Variants in ECPAS observed in about 807,000 individuals in gnomAD.
ECPAS encodes the protein proteasome adapter and scaffold protein ECM29.
ECPAS carries 70 observed loss-of-function variants against 255.1 expected under a neutral mutation model. The ratio of observed to expected loss-of-function variants is 0.27; its 90% CI spans 0.23 to 0.33. ECPAS has a LOEUF of 0.33. Ranked by LOEUF, ECPAS falls within the 10% of genes least tolerant of loss-of-function variation. The pLI, the probability that ECPAS is intolerant of heterozygous loss-of-function variation, is 1.00. For synonymous variants in ECPAS, 784 were observed against 775.0 expected (o/e 1.01, Z -0.19); for missense variants, 1,817 against 2,206.4 (o/e 0.82, Z 3.54).
In ECPAS at chr9:111,425,764, A is replaced by G. The variant is rs751443146; in HGVS notation, c.1115T>C (p.Phe372Ser). The G allele has an allele frequency of 1.1e-5, 17 of 1,584,660 alleles. 1 individual carries two copies. The South Asian group carries it at 1.9e-4, about 18-fold the overall frequency. ...NSKLRTLSLQFVHHICITCPE... is the reference protein window; with the variant it reads ...NSKLRTLSLQSVHHICITCPE... ...TTACGTTATACAAATATGATGCACAAATTGCAGGGATAATGTTCTTAACTT... is the reference window on the plus strand; with the variant it reads ...TTACGTTATACAAATATGATGCACAGATTGCAGGGATAATGTTCTTAACTT... The change falls in exon 11 of 50, where the codon TTT becomes TCT. Residue 372 changes from phenylalanine (F) to serine (S), a missense_variant. Coordinates refer to ENST00000684092, the MANE Select transcript of ECPAS (RefSeq NM_001364929.1).
At chr9:111,398,052 G>A (rs976032945) in intron 24 of ECPAS, among the ~76,000 whole-genome samples, 4 of 152,158 alleles carry the variant, frequency 2.6e-5, no homozygotes, top group African/African-American at 9.7e-5. Flanking sequence ...AAATTTAGGA[G>A]GAAAAGGAGA....
intron 48 of ECPAS, 66 bp downstream of exon 48, chr9:111,366,173 T>C (rs1298990546): frequency 1.0e-5 from 11 of 1,052,856 alleles, no homozygotes; most frequent in Non-Finnish European, 1.6e-5. Flanking sequence ...GTAGGAAATA[T>C]TTGAAGCTCA....
rs117028152 is a variant in ECPAS, at chr9:111,443,120, G to A, written c.271-696C>T. On this transcript the variant is annotated intron_variant, in intron 4 of 49. Coordinates refer to ENST00000684092, the MANE Select transcript of ECPAS (RefSeq NM_001364929.1). ...ATATTCCAAAATCCAAAACATTTTT[G>A]ATCCCAAGCAATTCAGATAAGGGAT... 1.7e-3 allele frequency among the ~76,000 whole-genome samples: 264 copies of A among 152,268 alleles called. 2 individuals are homozygous for A. The highest frequency in any genetic ancestry group is 0.016 in the East Asian group (82 of 5,186).
intron 5 of ECPAS, among the ~76,000 whole-genome samples, chr9:111,442,057 T>C (rs1336461685): frequency 6.6e-6 from 1 of 152,228 alleles, no homozygotes; most frequent in Non-Finnish European, 1.5e-5. Flanking sequence ...TCAAGATAAC[T>C]AGCCAAAAAA....
chr9:111,446,962 C>T lies in ECPAS; in HGVS notation c.154-2468G>A, dbSNP rs78723715. ...GTCCTGGATCTGTGATACCGCTAGG[C>T]GACAAGAGAAAACAATCAGGAGGAA... is the stretch of plus-strand genomic sequence containing the variant. On this transcript the variant is annotated intron_variant, in intron 3 of 49. Coordinates refer to ENST00000684092, the MANE Select transcript of ECPAS (RefSeq NM_001364929.1). 1.3e-3 allele frequency among the ~76,000 whole-genome samples: 204 copies of T among 152,162 alleles called. No homozygotes were observed. In the East Asian group the frequency reaches 0.019, roughly 14 times the overall value.
intron 17 of ECPAS, among the ~76,000 whole-genome samples, chr9:111,417,074 TAC>T (rs1039775966): frequency 6.6e-6 from 1 of 151,912 alleles, no homozygotes; most frequent in Admixed American, 6.6e-5. Context: ...ACTCTGTCTC[TAC>T]AAAAAATAAA....
intron 1 of ECPAS, among the ~76,000 whole-genome samples, chr9:111,479,076 G>C (rs937975968): frequency 1.2e-4 from 19 of 152,160 alleles, no homozygotes; most frequent in African/African-American, 4.6e-4. Context: ...CTACTTTCCA[G>C]CTGCAGGACC....
intron 2 of ECPAS, among the ~76,000 whole-genome samples, chr9:111,455,718 C>T (rs775922201): frequency 6.6e-6 from 1 of 152,172 alleles, no homozygotes; most frequent in Non-Finnish European, 1.5e-5. Flanking sequence ...CAAATAAAAA[C>T]CTGAGGCACT....
chr9:111,374,577 T>C (rs1029342362), intron 38 of ECPAS, among the ~76,000 whole-genome samples: 2 of 152,204 alleles, frequency 1.3e-5, no homozygotes, highest in South Asian at 2.1e-4. Context: ...TATGGCAAAA[T>C]TCTGGACAAT....
intron 1 of ECPAS, chr9:111,483,651 G>T: frequency 5.0e-6 from 1 of 200,624 alleles, no homozygotes; most frequent in Non-Finnish European, 8.7e-6. Context: ...TTCACTCGGC[G>T]CGGACCGCGC....
chr9:111,479,605 A>AT (rs2098301109), intron 1 of ECPAS, among the ~76,000 whole-genome samples: 2 of 152,154 alleles, frequency 1.3e-5, no homozygotes, highest in South Asian at 4.2e-4. Flanking sequence ...GAAAAAGACA[A>AT]CAAAAAAAAT....
chr9:111,455,335 T>C (rs2098265539), intron 2 of ECPAS, among the ~76,000 whole-genome samples: 1 of 152,086 alleles, frequency 6.6e-6, no homozygotes, highest in Non-Finnish European at 1.5e-5. Flanking sequence ...TTTCAAAAAA[T>C]TAGCCGGGCG....
intron 45 of ECPAS, among the ~76,000 whole-genome samples, chr9:111,369,419 C>G (rs1211770006): frequency 6.6e-6 from 1 of 152,114 alleles, no homozygotes. Context: ...CATATGTAGT[C>G]TTTTGAGCAT....
chr9:111,448,178 TTTC>T (rs2098255780), intron 3 of ECPAS, among the ~76,000 whole-genome samples: 1 of 152,158 alleles, frequency 6.6e-6, no homozygotes, highest in Non-Finnish European at 1.5e-5. Flanking sequence ...AATAAAATTT[TTTC>T]TTAAAACTTT....
chr9:111,462,901 C>A (rs2098274895), intron 2 of ECPAS, among the ~76,000 whole-genome samples: 1 of 152,112 alleles, frequency 6.6e-6, no homozygotes, highest in African/African-American at 2.4e-5. Context: ...CGCCACCACA[C>A]CTGGCTAATT....
intron 27 of ECPAS, among the ~76,000 whole-genome samples, chr9:111,393,224 A>G (rs376222721): frequency 1.3e-5 from 2 of 152,334 alleles, no homozygotes; most frequent in African/African-American, 2.4e-5. Context: ...CAAGATCTCA[A>G]TACACTCAGA....
intron 45 of ECPAS, among the ~76,000 whole-genome samples, chr9:111,369,443 T>G (rs1228409505): frequency 6.6e-6 from 1 of 152,160 alleles, no homozygotes; most frequent in African/African-American, 2.4e-5. Flanking sequence ...ATGAAAAGAC[T>G]TGCATTAGAA....
In ECPAS at chr9:111,405,930, C is replaced by T. The variant is rs1442767203; in HGVS notation, c.2652+2641G>A. Among the ~76,000 whole-genome samples, 12 of 149,606 alleles carry T rather than the reference C, an allele frequency of 8.0e-5. 1 individual carries two copies. The highest frequency in any genetic ancestry group is 6.6e-4 in the Admixed American group (10 of 15,204). ...ATGTGAAGAAAGGGGAACATTCATA[C>T]ACTGTTGGTGGGAAAACAGTATGAA... On this transcript the variant is annotated intron_variant, in intron 24 of 49. Transcript: ENST00000684092.
chr9:111,395,959 G>C (rs1279677900), intron 25 of ECPAS, among the ~76,000 whole-genome samples: 2 of 152,178 alleles, frequency 1.3e-5, no homozygotes, highest in Non-Finnish European at 2.9e-5. Context: ...GCAAGCAAAA[G>C]TGTGTTTTTC....
Sources: allele counts gnomAD v4.1 joint callset (sites outside exome capture counted in the v4.1 genomes callset), GRCh38; gene constraint gnomAD v4.1.1; transcripts MANE v1.5; gene names NCBI Gene and HGNC (gene_info 2026-07-23, HGNC 2026-07-21).